The following NAV2 variants were observed in gnomAD, a reference collection of about 807,000 sequenced individuals.
The protein encoded by NAV2 is helicase, APC down-regulated 1.
In NAV2, 54 loss-of-function variants were observed where a neutral mutation model predicts 223.2. The ratio of observed to expected loss-of-function variants is 0.24; its 90% CI spans 0.19 to 0.30. NAV2 has a LOEUF of 0.30. Among genes scored for constraint, NAV2 ranks in the 10% least tolerant of loss-of-function variants. The pLI is 1.00. For synonymous variants in NAV2, 1,279 were observed against 1,239.3 expected, an observed-to-expected ratio of 1.03 and a Z score of -0.67; for missense variants, 2,806 against 3,147.5, an observed-to-expected ratio of 0.89 and a Z score of 2.60.
intron 1 of NAV2, among the ~76,000 whole-genome samples, chr11:19,432,655 A>C (rs1169779390): frequency 1.3e-5 from 2 of 152,122 alleles, no homozygotes; most frequent in African/African-American, 4.8e-5. Flanking sequence ...GAGCAGCAGA[A>C]GTCAACCAGG....
At chr11:19,835,028 A>G (rs1200356916) in intron 2 of NAV2, among the ~76,000 whole-genome samples, 2 of 152,200 alleles carry the variant, frequency 1.3e-5, no homozygotes, top group African/African-American at 2.4e-5. Context: ...TAGATTAGTC[A>G]TGTCTGCCTT....
chr11:19,655,077 T>C (rs367936169), intron 1 of NAV2, among the ~76,000 whole-genome samples: 2 of 152,006 alleles, frequency 1.3e-5, no homozygotes, highest in Admixed American at 6.6e-5. Flanking sequence ...AACAAGTGGG[T>C]GAAGGATATG....
intron 1 of NAV2, among the ~76,000 whole-genome samples, chr11:19,501,421 TTTC>T (rs896022607): frequency 2.8e-4 from 43 of 152,210 alleles, no homozygotes; most frequent in African/African-American, 6.3e-4. Context: ...CCTGCCTACC[TTTC>T]TTCTTCTTTT....
chr11:19,463,830 G>A (rs1274843406), intron 1 of NAV2, among the ~76,000 whole-genome samples: 1 of 152,128 alleles, frequency 6.6e-6, no homozygotes, highest in Non-Finnish European at 1.5e-5. Flanking sequence ...GCAGGGGCTG[G>A]GGAGAGCTGA....
chr11:19,507,334 T>A (rs960967109), intron 1 of NAV2: 1 of 152,208 alleles, frequency 6.6e-6, no homozygotes, highest in Non-Finnish European at 1.5e-5. Flanking sequence ...ATGGTAATAA[T>A]AGACCCCTGG....
intron 1 of NAV2, among the ~76,000 whole-genome samples, chr11:19,614,567 T>A (rs1373545342): frequency 6.6e-6 from 1 of 152,164 alleles, no homozygotes; most frequent in Non-Finnish European, 1.5e-5. Context: ...TTACACTCAA[T>A]GAACCTACAT....
At chr11:19,988,497 G>T (rs779598269) in intron 11 of NAV2, among the ~76,000 whole-genome samples, 1 of 151,766 alleles carries the variant, frequency 6.6e-6, no homozygotes, top group Non-Finnish European at 1.5e-5. Flanking sequence ...AATGAAAATC[G>T]CCCTCCACCT....
At chr11:19,397,097 AG>A (rs771742003) in intron 1 of NAV2, among the ~76,000 whole-genome samples, 1 of 152,176 alleles carries the variant, frequency 6.6e-6, no homozygotes, top group African/African-American at 2.4e-5. Context: ...TGATAGAACC[AG>A]GGGTGGTTGG....
intron 3 of NAV2, among the ~76,000 whole-genome samples, chr11:19,853,606 G>A (rs935437005): frequency 6.6e-6 from 1 of 152,212 alleles, no homozygotes. Context: ...GAAGTCAAAA[G>A]TTTGGGCATT....
rs191190439 is a variant in NAV2, at chr11:19,891,898, C to T, written c.771-536C>T. ...GCTTGATAAAATTAGAAATGACTGG[C>T]TTGACCCTATTCAAAAGTAAAAATA... On this transcript the variant is annotated intron_variant, in intron 5 of 37. Transcript: ENST00000349880. Among the ~76,000 whole-genome samples the T allele has an allele frequency of 1.8e-3, 275 of 152,116 alleles. 1 individual carries two copies. Among genetic ancestry groups the T allele is most frequent in the African/African-American group, 6.5e-3 (269 of 41,502 alleles).
At chr11:19,385,831 G>A (rs12791851) in intron 1 of NAV2, among the ~76,000 whole-genome samples, 1,778 of 143,682 alleles carry the variant, frequency 0.012, 21 homozygotes, top group Non-Finnish European at 0.019. Context: ...GCACGATCTC[G>A]GCTCACTGCA....
intron 10 of NAV2, among the ~76,000 whole-genome samples, chr11:19,968,832 T>G (rs2048985135): frequency 6.6e-6 from 1 of 152,210 alleles, no homozygotes; most frequent in South Asian, 2.1e-4. Context: ...CATTGGCCTG[T>G]GTTTCGGCGA....
intron 1 of NAV2, among the ~76,000 whole-genome samples, chr11:19,448,138 C>T (rs890504000): frequency 1.3e-5 from 2 of 152,142 alleles, no homozygotes; most frequent in African/African-American, 2.4e-5. Context: ...AGCACCCCAC[C>T]CTGTGCCCCT....
intron 1 of NAV2, among the ~76,000 whole-genome samples, chr11:19,470,660 T>C (rs1288580462): frequency 6.6e-6 from 1 of 152,236 alleles, no homozygotes; most frequent in East Asian, 1.9e-4. Flanking sequence ...ACATAGGGGA[T>C]TAAGTTTTCA....
At chr11:19,714,912 T>C (rs964797750) in intron 1 of NAV2, among the ~76,000 whole-genome samples, 1 of 152,106 alleles carries the variant, frequency 6.6e-6, no homozygotes, top group Admixed American at 6.5e-5. Context: ...GCAGGGACTT[T>C]TGGGGACAGG....
At position 19,972,741 on chromosome 11, in the gene NAV2, T is replaced by C. The variant is rs537385262; in HGVS notation, c.2646-11384T>C. ...GTGCTTTGGCCTTTACTGAACCCCA[T>C]GCAAATATTTACACATCTGCTTGCC... On this transcript the variant is annotated intron_variant, in intron 10 of 37. Coordinates refer to ENST00000349880, the MANE Select transcript of NAV2 (RefSeq NM_145117.5). Among the ~76,000 whole-genome samples, 22 of 152,254 alleles carry C rather than the reference T, an allele frequency of 1.4e-4. No homozygotes were observed. The South Asian group carries it at 4.3e-3, about 30-fold the overall frequency.
intron 3 of NAV2, among the ~76,000 whole-genome samples, chr11:19,861,286 A>G (rs2061769135): frequency 6.6e-6 from 1 of 152,186 alleles, no homozygotes; most frequent in African/African-American, 2.4e-5. Context: ...ACATCAGGTT[A>G]CGGAGAAGGC....
intron 1 of NAV2, among the ~76,000 whole-genome samples, chr11:19,704,411 C>T (rs2152290801): frequency 6.6e-6 from 1 of 152,270 alleles, no homozygotes; most frequent in Non-Finnish European, 1.5e-5. Context: ...GATGGCTATT[C>T]CTTTGATAGT....
intron 8 of NAV2, among the ~76,000 whole-genome samples, chr11:19,942,445 G>A (rs569514918): frequency 1.2e-4 from 19 of 152,128 alleles, no homozygotes; most frequent in Non-Finnish European, 1.9e-4. Context: ...CCCTTCTAGC[G>A]AGAGGTTTTT....
Sources: gnomAD v4.1 joint callset for allele counts (sites outside exome capture counted in the v4.1 genomes callset) on GRCh38, gnomAD v4.1.1 for gene constraint, MANE v1.5 for transcripts, NCBI Gene and HGNC (gene_info 2026-07-23, HGNC 2026-07-21) for gene names.